The following GRIA4 variants were observed in gnomAD, a reference collection of about 807,000 sequenced individuals.
The protein encoded by GRIA4 is glutamate receptor 4.
A neutral mutation model predicts 104.0 loss-of-function variants in GRIA4; 34 were observed. That is an observed-to-expected ratio of 0.33 (90% confidence interval 0.25 to 0.44). The LOEUF (loss-of-function observed/expected upper bound fraction) is 0.44. Ranked by LOEUF, GRIA4 falls within the 20% of genes least tolerant of loss-of-function variation. The probability of loss-of-function intolerance (pLI) is 1.00; values close to 1 mark genes in which losing one functional copy is unlikely to be tolerated. For missense variants in GRIA4, 750 were observed against 1,096.5 expected, an observed-to-expected ratio of 0.68 and a Z score of 4.46; for synonymous variants, 386 against 381.9, an observed-to-expected ratio of 1.01 and a Z score of -0.13.
chr11:105,612,066 G>C (rs982796653), intron 2 of GRIA4, among the ~76,000 whole-genome samples: 5 of 152,128 alleles, frequency 3.3e-5, no homozygotes, highest in African/African-American at 1.2e-4. Context: ...TTGTGAGCAA[G>C]ACACATTAGG....
intron 4 of GRIA4, among the ~76,000 whole-genome samples, chr11:105,758,577 C>T (rs142651800): frequency 6.8e-4 from 104 of 152,212 alleles, no homozygotes; most frequent in African/African-American, 2.4e-3. Flanking sequence ...TGATGGAACA[C>T]CTTGCCTCAA....
In GRIA4 at chr11:105,979,894, G is replaced by A. The variant is rs1859189861; in HGVS notation, c.*155G>A. On this transcript the variant is annotated 3_prime_UTR_variant, in exon 17 of 17. Transcript: ENST00000282499. ...ACGCGCTGGCCGGACATCAGCAGCAGCAACGTGTGCATGAGCTCAGCTCGG... is the reference window on the plus strand; with the variant it reads ...ACGCGCTGGCCGGACATCAGCAGCAACAACGTGTGCATGAGCTCAGCTCGG... The A allele has an allele frequency of 3.7e-6, 2 of 544,716 alleles. No homozygotes were observed. The highest frequency in any genetic ancestry group is 6.2e-5 in the Admixed American group (2 of 32,428). The allele number at this position is 544,716 out of a possible 1,614,324, so 33.7% of individuals were successfully genotyped here. A position where few individuals can be genotyped will look rare whatever the true frequency, so the allele number is the denominator to read the frequency against.
chr11:105,799,349 G>A (rs1319321282), intron 4 of GRIA4, among the ~76,000 whole-genome samples: 1 of 152,060 alleles, frequency 6.6e-6, no homozygotes, highest in Non-Finnish European at 1.5e-5. Context: ...AGAAACTGAG[G>A]ATGGCAGGAA....
chr11:105,626,184 T>G (rs1950881728), intron 3 of GRIA4, among the ~76,000 whole-genome samples: 1 of 152,044 alleles, frequency 6.6e-6, no homozygotes, highest in African/African-American at 2.4e-5. Context: ...GTACATTTTT[T>G]AAAGTAAAAC....
intron 4 of GRIA4, among the ~76,000 whole-genome samples, chr11:105,838,863 G>GT (rs1944286726): frequency 6.6e-6 from 1 of 152,196 alleles, no homozygotes; most frequent in South Asian, 2.1e-4. Flanking sequence ...CTTGGAGGCA[G>GT]TATTAGTCAC....
chr11:105,794,506 T>TAC (rs1942389912), intron 4 of GRIA4, among the ~76,000 whole-genome samples: 1 of 122,696 alleles, frequency 8.2e-6, no homozygotes, highest in Non-Finnish European at 1.7e-5. Context: ...TATATATATA[T>TAC]ATATATACAT....
intron 4 of GRIA4, among the ~76,000 whole-genome samples, chr11:105,859,661 A>G (rs1442339314): frequency 6.6e-6 from 1 of 152,166 alleles, no homozygotes; most frequent in African/African-American, 2.4e-5. Flanking sequence ...CAAGCTGTGA[A>G]TTAAGCCCAG....
intron 13 of GRIA4, among the ~76,000 whole-genome samples, chr11:105,933,355 T>C (rs1035589893): frequency 5.3e-5 from 8 of 152,132 alleles, no homozygotes; most frequent in Non-Finnish European, 1.2e-4. Flanking sequence ...TTTTTTTAAG[T>C]TTACCATGAA....
chr11:105,894,634 A>G (rs1404158439), intron 6 of GRIA4, among the ~76,000 whole-genome samples: 2 of 152,098 alleles, frequency 1.3e-5, no homozygotes, highest in Non-Finnish European at 2.9e-5. Context: ...CTACTTCACT[A>G]TAAAAGAAAA....
intron 14 of GRIA4, among the ~76,000 whole-genome samples, chr11:105,946,738 G>A (rs1364410803): frequency 6.6e-6 from 1 of 152,118 alleles, no homozygotes; most frequent in Admixed American, 6.5e-5. Context: ...CTCCAAAGAA[G>A]CTAGATCTTG....
chr11:105,770,451 G>T (rs190550664), intron 4 of GRIA4, among the ~76,000 whole-genome samples: 8 of 152,010 alleles, frequency 5.3e-5, no homozygotes, highest in Non-Finnish European at 8.8e-5. Flanking sequence ...TTGGATACTT[G>T]GTCAAACTTT....
chr11:105,949,759 C>G (rs1948415727), intron 14 of GRIA4, among the ~76,000 whole-genome samples: 1 of 152,110 alleles, frequency 6.6e-6, no homozygotes, highest in South Asian at 2.1e-4. Flanking sequence ...GGTGAATGTT[C>G]TAATATGAGT....
intron 3 of GRIA4, among the ~76,000 whole-genome samples, chr11:105,625,081 T>C (rs546692597): frequency 4.9e-4 from 74 of 152,144 alleles, no homozygotes; most frequent in African/African-American, 1.7e-3. Context: ...AAATTTCCTT[T>C]TTGGTAGTCT....
At chr11:105,936,253 T>C (rs955903768) in intron 14 of GRIA4, among the ~76,000 whole-genome samples, 3 of 152,244 alleles carry the variant, frequency 2.0e-5, no homozygotes, top group Non-Finnish European at 4.4e-5. Context: ...TCACCTTCTG[T>C]ATAAATGATT....
intron 3 of GRIA4, among the ~76,000 whole-genome samples, chr11:105,725,860 G>T (rs1938171273): frequency 2.0e-5 from 3 of 152,124 alleles, no homozygotes; most frequent in African/African-American, 7.2e-5. Flanking sequence ...GTGCTATCTG[G>T]CCAAGATACT....
chr11:105,789,657 C>T (rs996453337), intron 4 of GRIA4, among the ~76,000 whole-genome samples: 2 of 152,246 alleles, frequency 1.3e-5, no homozygotes, highest in South Asian at 4.2e-4. Flanking sequence ...TTATTAGAGT[C>T]AATCATACCC....
chr11:105,964,447 G>A (rs1049521134), intron 14 of GRIA4, among the ~76,000 whole-genome samples: 1 of 152,186 alleles, frequency 6.6e-6, no homozygotes, highest in Non-Finnish European at 1.5e-5. Flanking sequence ...AAACACTTTA[G>A]TAGGCTAATT....
Position 105,802,175 on chromosome 11 carries a change from A to G in GRIA4, c.487+48955A>G, listed in dbSNP as rs939791218. ...CTGAGTTCTAGAGGCTGGTGGTGAG[A>G]GAAGAGAGCAGAAGAACAGAAATTA... On this transcript the variant is annotated intron_variant, in intron 4 of 16. Coordinates refer to ENST00000282499, the MANE Select transcript of GRIA4 (RefSeq NM_000829.4). Among the ~76,000 whole-genome samples, 3 of 152,194 alleles carry G rather than the reference A, an allele frequency of 2.0e-5. No homozygotes were observed. In the East Asian group the frequency reaches 5.8e-4, roughly 29 times the overall value.
At chr11:105,611,432 G>A (rs986877662) in intron 2 of GRIA4, among the ~76,000 whole-genome samples, 10 of 151,848 alleles carry the variant, frequency 6.6e-5, no homozygotes, top group African/African-American at 2.2e-4. Flanking sequence ...AAAGCATAAA[G>A]TGATGTCGAG....
Sources: gnomAD v4.1 joint callset for allele counts (sites outside exome capture counted in the v4.1 genomes callset) on GRCh38, gnomAD v4.1.1 for gene constraint, MANE v1.5 for transcripts, NCBI Gene and HGNC (gene_info 2026-07-23, HGNC 2026-07-21) for gene names.